Variants in SEC23B observed in about 807,000 individuals in gnomAD.
SEC23B encodes SEC23 homolog B, COPII component, also known as protein transport protein Sec23B.
A neutral mutation model predicts 104.3 loss-of-function variants in SEC23B; 77 were observed. The ratio of observed to expected loss-of-function variants is 0.74; its 90% CI spans 0.61 to 0.89. The LOEUF (loss-of-function observed/expected upper bound fraction) is 0.89. SEC23B is among the 40% of genes least tolerant of loss of function. The pLI is 0.00. For missense variants in SEC23B, 885 were observed against 949.4 expected, an observed-to-expected ratio of 0.93 and a Z score of 0.89; for synonymous variants, 338 against 332.5, an observed-to-expected ratio of 1.02 and a Z score of -0.18.
chr20:18,552,088 A>G (rs1486752743), intron 17 of SEC23B, among the ~76,000 whole-genome samples: 2 of 152,182 alleles, frequency 1.3e-5, no homozygotes, highest in Non-Finnish European at 2.9e-5. Flanking sequence ...AATGAAGATG[A>G]TGGTGATATT....
chr20:18,547,054 C>A (rs909932674), intron 15 of SEC23B, among the ~76,000 whole-genome samples: 2 of 152,040 alleles, frequency 1.3e-5, no homozygotes, highest in African/African-American at 4.8e-5. Flanking sequence ...CCAGAGCCCT[C>A]ATCCCTGGGC....
intron 11 of SEC23B, among the ~76,000 whole-genome samples, chr20:18,534,477 C>T: frequency 6.6e-6 from 1 of 152,190 alleles, no homozygotes; most frequent in Non-Finnish European, 1.5e-5. Context: ...GTACTTTATG[C>T]TTGTGTCACA....
chr20:18,515,366 A>G (rs1184597191), intron 3 of SEC23B, among the ~76,000 whole-genome samples: 1 of 152,002 alleles, frequency 6.6e-6, no homozygotes, highest in African/African-American at 2.4e-5. Flanking sequence ...GCTGGAGTGC[A>G]GTGGCGCAAT....
chr20:18,524,673 T>C lies in SEC23B; in HGVS notation c.603+4T>C, dbSNP rs1489224241. ...TTTAACTGCAAAGCAAATACAGGTT[T>C]GTACCTTACTTGTACAGGAGCAGAA... On this transcript the variant is annotated splice_donor_region_variant and intron_variant, in intron 5 of 19. Coordinates refer to ENST00000650089, the MANE Select transcript of SEC23B (RefSeq NM_006363.6). 1.2e-6 allele frequency: 2 copies of C among 1,607,220 alleles called. No individual in the cohort carries two copies. Among genetic ancestry groups the C allele is most frequent in the Non-Finnish European group, 1.7e-6 (2 of 1,174,246 alleles).
Position 18,555,156 on chromosome 20 carries a change from C to T in SEC23B, c.2197C>T (p.Leu733=). The change falls in exon 19 of 20, where the codon CTG becomes TTG. Residue 733 remains leucine, a synonymous_variant. Coordinates refer to ENST00000650089, the MANE Select transcript of SEC23B (RefSeq NM_006363.6). The part of the protein sequence containing the change: ...KVNPSQTHNN[L]YAWGQETGAP... ...GAACCCATCTCAGACACACAATAAC[C>T]TGTATGCTTGGGGACAGGTAAGAAA... The T allele has an allele frequency of 1.2e-6, 2 of 1,613,568 alleles. No individual in the cohort carries two copies. Among genetic ancestry groups the T allele is most frequent in the East Asian group, 2.2e-5 (1 of 44,858 alleles).
At chr20:18,542,205 G>A in intron 12 of SEC23B, 91 bp from the exon 13 acceptor site, 1 of 1,075,384 alleles carries the variant, frequency 9.3e-7, no homozygotes, top group South Asian at 1.2e-5. Context: ...TGTCATTGCT[G>A]TGTCAGTCAT....
At position 18,515,997 on chromosome 20, in the gene SEC23B, A is replaced by G. The variant is rs2060021291; in HGVS notation, c.366+261A>G. 3 of 449,526 alleles carry G rather than the reference A, an allele frequency of 6.7e-6. No individual in the cohort carries two copies. The East Asian group carries it at 1.4e-4, about 21-fold the overall frequency. The allele number at this position is 449,526 out of a possible 1,614,324, so 27.8% of individuals were successfully genotyped here. A position where few individuals can be genotyped will look rare whatever the true frequency, so the allele number is the denominator to read the frequency against. On this transcript the variant is annotated intron_variant, in intron 4 of 19. Coordinates refer to ENST00000650089, the MANE Select transcript of SEC23B (RefSeq NM_006363.6). ...TCTTCATCTCAGTTGATGGTACTCC[A>G]TCATCTAGTTGTTTAGCTTCAGAAC...
Position 18,543,034 on chromosome 20 carries a change from G to A in SEC23B, c.1527G>A (p.Gln509=), listed in dbSNP as rs201943863. The part of the protein sequence containing the change: ...TTIARNWADV[Q]SQLRHIEAAF... The stretch of plus-strand genomic sequence containing the variant: ...GAATTGTCAGTTGGGCAGATGTACA[G>A]AGTCAGCTCAGGCACATAGAAGCAG... Residue 509 remains glutamine (Q), a synonymous_variant, in exon 14 of 20, where the codon CAG becomes CAA. Transcript: ENST00000650089. 366 of 1,614,082 alleles carry A rather than the reference G, an allele frequency of 2.3e-4. 1 individual carries two copies. The highest frequency in any genetic ancestry group is 3.0e-4 in the Non-Finnish European group (352 of 1,180,044).
At chr20:18,539,159 C>T (rs1242854630) in intron 12 of SEC23B, among the ~76,000 whole-genome samples, 1 of 149,986 alleles carries the variant, frequency 6.7e-6, no homozygotes, top group Non-Finnish European at 1.5e-5. Context: ...TTGCAGTGAG[C>T]CGAGATTGCG....
intron 4 of SEC23B, among the ~76,000 whole-genome samples, chr20:18,521,508 C>T (rs1050220681): frequency 6.6e-6 from 1 of 152,160 alleles, no homozygotes; most frequent in African/African-American, 2.4e-5. Flanking sequence ...GAGCATTAAA[C>T]TTGACTATGC....
chr20:18,539,701 G>A (rs1187397928), intron 12 of SEC23B, among the ~76,000 whole-genome samples: 1 of 144,204 alleles, frequency 6.9e-6, no homozygotes, highest in Non-Finnish European at 1.5e-5. Context: ...CTGGAGTGCA[G>A]TGGCACCATC....
Position 18,560,639 on chromosome 20 carries a change from A to G in SEC23B, c.2215-12A>G. 6.2e-7 allele frequency: 1 copy of G among 1,605,650 alleles called. No individual in the cohort carries two copies. The highest frequency in any genetic ancestry group is 8.5e-7 in the Non-Finnish European group (1 of 1,172,280). The stretch of plus-strand genomic sequence containing the variant: ...AGATATCTGCCAACTAATCTTTATC[A>G]TTACATTTCAGGAAACTGGAGCACC... On this transcript the variant is annotated splice_polypyrimidine_tract_variant and intron_variant, in intron 19 of 19. Coordinates refer to ENST00000650089, the MANE Select transcript of SEC23B (RefSeq NM_006363.6).
intron 4 of SEC23B, among the ~76,000 whole-genome samples, chr20:18,523,421 TAGAC>T (rs1403609956): frequency 1.3e-5 from 2 of 149,858 alleles, no homozygotes; most frequent in African/African-American, 4.9e-5. Flanking sequence ...TTTCTTTTTT[TAGAC>T]AGAGCCTTGC....
intron 1 of SEC23B, among the ~76,000 whole-genome samples, chr20:18,508,800 A>G (rs2059956093): frequency 1.4e-5 from 2 of 142,694 alleles, no homozygotes; most frequent in South Asian, 2.2e-4. Flanking sequence ...GCTCACTGCA[A>G]CCAATGCCTC....
intron 13 of SEC23B, among the ~76,000 whole-genome samples, chr20:18,542,805 T>G (rs1163397324): frequency 6.6e-6 from 1 of 152,018 alleles, no homozygotes; most frequent in Non-Finnish European, 1.5e-5. Flanking sequence ...TAGCTAATCT[T>G]TTTACTTTTA....
At chr20:18,517,789 T>C (rs1020778439) in intron 4 of SEC23B, among the ~76,000 whole-genome samples, 21 of 152,128 alleles carry the variant, frequency 1.4e-4, no homozygotes, top group Admixed American at 1.2e-3. Flanking sequence ...ATAGAATTAT[T>C]GGTGATGGCC....
At chr20:18,517,188 C>T (rs765333183) in intron 4 of SEC23B, among the ~76,000 whole-genome samples, 110 of 152,224 alleles carry the variant, frequency 7.2e-4, no homozygotes, top group Non-Finnish European at 1.4e-3. Context: ...CTCTTGATTT[C>T]ACCTGGGTGC....
At chr20:18,535,280 C>A (rs1293797928) in intron 11 of SEC23B, among the ~76,000 whole-genome samples, 1 of 148,816 alleles carries the variant, frequency 6.7e-6, no homozygotes, top group Non-Finnish European at 1.5e-5. Context: ...GAGGCTGAGG[C>A]GGGAGGATTG....
chr20:18,559,480 A>G (rs1299367808), intron 19 of SEC23B, among the ~76,000 whole-genome samples: 1 of 151,744 alleles, frequency 6.6e-6, no homozygotes, highest in Non-Finnish European at 1.5e-5. Flanking sequence ...TCTTGGTGGG[A>G]GTATTAGGGT....
Sources: gnomAD v4.1 joint callset for allele counts (sites outside exome capture counted in the v4.1 genomes callset) on GRCh38, gnomAD v4.1.1 for gene constraint, MANE v1.5 for transcripts, NCBI Gene and HGNC (gene_info 2026-07-23, HGNC 2026-07-21) for gene names.